ZFAND3: variants seen among roughly 807,000 people sequenced by gnomAD.
ZFAND3 encodes the protein AN1-type zinc finger protein 3.
ZFAND3 carries 10 observed loss-of-function variants against 29.6 expected under a neutral mutation model. That is an observed-to-expected ratio of 0.34 (90% CI 0.21 to 0.57). ZFAND3 has a LOEUF of 0.57. Ranked by LOEUF, ZFAND3 falls within the 20% of genes least tolerant of loss-of-function variation. The probability of loss-of-function intolerance (pLI) is 0.86; values close to 1 mark genes in which losing one functional copy is unlikely to be tolerated. For missense variants in ZFAND3, 230 were observed against 304.5 expected (o/e 0.76, Z 1.82); for synonymous variants, 128 against 112.6 (o/e 1.14, Z -0.87).
intron 5 of ZFAND3, among the ~76,000 whole-genome samples, chr6:38,126,284 C>T (rs573212231): frequency 3.9e-5 from 6 of 152,292 alleles, no homozygotes; most frequent in Admixed American, 6.5e-5. Context: ...GGATATACCA[C>T]ATGTGTTTAT....
chr6:37,845,085 A>G (rs962340786), intron 1 of ZFAND3, among the ~76,000 whole-genome samples: 5 of 151,998 alleles, frequency 3.3e-5, no homozygotes, highest in Admixed American at 6.6e-5. Flanking sequence ...GGAGACTGGC[A>G]TAGCATCACT....
intron 2 of ZFAND3, among the ~76,000 whole-genome samples, chr6:38,020,339 G>A (rs745466611): frequency 6.6e-6 from 1 of 151,900 alleles, no homozygotes; most frequent in African/African-American, 2.4e-5. Flanking sequence ...CATAGTGATC[G>A]GAAAGATAAT....
intron 3 of ZFAND3, among the ~76,000 whole-genome samples, chr6:38,078,532 C>T (rs1764596598): frequency 6.6e-6 from 1 of 152,178 alleles, no homozygotes. Flanking sequence ...AAAGTTATTT[C>T]AGGTTGGTTA....
intron 4 of ZFAND3, among the ~76,000 whole-genome samples, chr6:38,106,423 T>C (rs1765210847): frequency 6.6e-6 from 1 of 152,218 alleles, no homozygotes; most frequent in African/African-American, 2.4e-5. Flanking sequence ...GTGCCGGGAT[T>C]ACAGGTGTGA....
intron 1 of ZFAND3, among the ~76,000 whole-genome samples, chr6:37,917,896 A>C (rs1405278316): frequency 6.6e-6 from 1 of 152,210 alleles, no homozygotes; most frequent in Non-Finnish European, 1.5e-5. Flanking sequence ...TGAAGTACAA[A>C]TGACATTTAA....
At chr6:37,995,595 A>G (rs753125250) in intron 2 of ZFAND3, among the ~76,000 whole-genome samples, 3 of 152,174 alleles carry the variant, frequency 2.0e-5, no homozygotes, top group Non-Finnish European at 2.9e-5. Context: ...ATTGATGTTT[A>G]TTAATTGTTG....
At chr6:38,133,636 G>C (rs1187026154) in intron 5 of ZFAND3, among the ~76,000 whole-genome samples, 2 of 151,948 alleles carry the variant, frequency 1.3e-5, no homozygotes, top group East Asian at 1.9e-4. Flanking sequence ...TGTAGTCCCA[G>C]CTACTCGGGA....
intron 1 of ZFAND3, among the ~76,000 whole-genome samples, chr6:37,870,842 G>A (rs972763465): frequency 6.6e-6 from 1 of 152,032 alleles, no homozygotes; most frequent in Non-Finnish European, 1.5e-5. Flanking sequence ...ACCACTCCTC[G>A]CTATAAATCA....
intron 5 of ZFAND3, among the ~76,000 whole-genome samples, chr6:38,120,275 C>T (rs1326124914): frequency 3.4e-5 from 5 of 146,962 alleles, no homozygotes; most frequent in Non-Finnish European, 7.4e-5. Context: ...ACAAGAATGC[C>T]GTCTTCTCTG....
intron 1 of ZFAND3, among the ~76,000 whole-genome samples, chr6:37,902,737 C>CTTTTTTTTTTTTTTT (rs11448512): frequency 3.0e-5 from 3 of 100,416 alleles, no homozygotes; most frequent in South Asian, 3.8e-4. Flanking sequence ...CTTTTACTTA[C>CTTTTTTTTTTTTTTT]TTTTTTTTTT....
intron 3 of ZFAND3, among the ~76,000 whole-genome samples, chr6:38,063,309 A>G (rs1764278476): frequency 1.3e-5 from 2 of 152,224 alleles, no homozygotes; most frequent in African/African-American, 4.8e-5. Flanking sequence ...GAAATTAAAT[A>G]TATTTGTTGT....
At chr6:37,929,913 G>A (rs1186897776) in intron 1 of ZFAND3, 46 bp from the exon 2 acceptor site, 1 of 1,555,806 alleles carries the variant, frequency 6.4e-7, no homozygotes. Context: ...AGAGTGATAT[G>A]GAGTTTTTAG....
chr6:38,021,522 A>G (rs556836806), intron 2 of ZFAND3, among the ~76,000 whole-genome samples: 41 of 152,298 alleles, frequency 2.7e-4, no homozygotes, highest in African/African-American at 9.1e-4. Context: ...GAACCGGAGG[A>G]AAAAAACACT....
chr6:38,151,407 C>T lies in ZFAND3; in HGVS notation c.530-828C>T, dbSNP rs577164981. On this transcript the variant is annotated intron_variant, in intron 5 of 5. Transcript: ENST00000287218. ...GGAGGCCTGAGTGTGGGCATCTCAACCTCTCTCACCTACCCAGTGGAGTGA... is the reference window on the plus strand; with the variant it reads ...GGAGGCCTGAGTGTGGGCATCTCAATCTCTCTCACCTACCCAGTGGAGTGA... Among the ~76,000 whole-genome samples, 58 of 152,224 alleles carry T rather than the reference C, an allele frequency of 3.8e-4. 2 individuals are homozygous for T. In the South Asian group the frequency reaches 5.8e-3, roughly 15 times the overall value.
chr6:37,965,307 T>G (rs1275509141), intron 2 of ZFAND3, among the ~76,000 whole-genome samples: 1 of 152,182 alleles, frequency 6.6e-6, no homozygotes, highest in Non-Finnish European at 1.5e-5. Context: ...CAGTAACAAT[T>G]TCCAGACCGG....
chr6:37,938,337 C>G (rs1277298576), intron 2 of ZFAND3, among the ~76,000 whole-genome samples: 2 of 152,192 alleles, frequency 1.3e-5, no homozygotes, highest in Non-Finnish European at 2.9e-5. Context: ...AATAGTACCT[C>G]TTTGTACCAA....
At chr6:38,104,644 G>A (rs1765172720) in intron 4 of ZFAND3, among the ~76,000 whole-genome samples, 1 of 152,150 alleles carries the variant, frequency 6.6e-6, no homozygotes, top group African/African-American at 2.4e-5. Context: ...GAGTTAGCAG[G>A]AGTGGAAAGA....
At chr6:38,031,596 ACT>A (rs751025727) in intron 2 of ZFAND3, among the ~76,000 whole-genome samples, 2 of 151,998 alleles carry the variant, frequency 1.3e-5, no homozygotes, top group African/African-American at 4.8e-5. Context: ...TTGTATCCTG[ACT>A]CTATCACTTC....
intron 1 of ZFAND3, among the ~76,000 whole-genome samples, chr6:37,900,443 T>C (rs1322972148): frequency 1.3e-5 from 2 of 152,226 alleles, no homozygotes; most frequent in East Asian, 3.8e-4. Flanking sequence ...TCCTTTTGTG[T>C]AGAAATTCAG....
Sources: allele counts gnomAD v4.1 joint callset (sites outside exome capture counted in the v4.1 genomes callset), GRCh38; gene constraint gnomAD v4.1.1; transcripts MANE v1.5; gene names NCBI Gene and HGNC (gene_info 2026-07-23, HGNC 2026-07-21).